GPRASP3: variants seen among roughly 807,000 people sequenced by gnomAD.
GPRASP3 encodes G protein-coupled receptor associated sorting protein 3.
the GPRASP3 span, among the ~76,000 whole-genome samples, chrX:102,724,383 C>T: frequency 1.8e-5 from 2 of 111,722 alleles, no homozygotes; most frequent in African/African-American, 6.5e-5. Context: ...AGGATTCAGA[C>T]CCAACAGTGT....
the GPRASP3 span, chrX:102,752,664 A>G: frequency 2.4e-5 from 3 of 123,767 alleles, no homozygotes; most frequent in Non-Finnish European, 5.6e-5. Context: ...TATAATTGCC[A>G]TACATTAAGC....
chrX:102,741,249 C>T, the GPRASP3 span, among the ~76,000 whole-genome samples: 1 of 112,099 alleles, frequency 8.9e-6, no homozygotes, highest in Non-Finnish European at 1.9e-5. Context: ...CCCAAGTGGG[C>T]GACTTGAAGG....
the GPRASP3 span, among the ~76,000 whole-genome samples, chrX:102,729,486 T>TAGTGGATAAC: frequency 8.9e-6 from 1 of 112,310 alleles, no homozygotes; most frequent in Non-Finnish European, 1.9e-5. Flanking sequence ...ATTATAATAA[T>TAGTGGATAAC]AGTGGATAAC....
chrX:102,729,487 A>G, the GPRASP3 span, among the ~76,000 whole-genome samples: 2 of 112,328 alleles, frequency 1.8e-5, no homozygotes, highest in Non-Finnish European at 3.8e-5. Flanking sequence ...TTATAATAAT[A>G]GTGGATAACA....
the GPRASP3 span, among the ~76,000 whole-genome samples, chrX:102,721,785 T>C: frequency 6.3e-5 from 7 of 111,196 alleles, no homozygotes; most frequent in African/African-American, 2.3e-4. Context: ...CTCCTAAGTT[T>C]CCCTCTGCAT....
At chrX:102,753,517 A>AT in the GPRASP3 span, 1 of 122,819 alleles carries the variant, frequency 8.1e-6, no homozygotes, top group Admixed American at 9.5e-5. Context: ...TCTTCGACCC[A>AT]TGAATAAAAT....
chrX:102,744,372 C>T, the GPRASP3 span, among the ~76,000 whole-genome samples: 5 of 112,091 alleles, frequency 4.5e-5, no homozygotes, highest in East Asian at 5.6e-4. Context: ...CTATGTCCTT[C>T]GTATTTAAGA....
the GPRASP3 span, among the ~76,000 whole-genome samples, chrX:102,738,879 G>A: frequency 9.0e-6 from 1 of 111,626 alleles, no homozygotes; most frequent in South Asian, 3.8e-4. Flanking sequence ...CAAGGTGGTT[G>A]GGGCACAGCT....
chrX:102,728,839 C>T, the GPRASP3 span, among the ~76,000 whole-genome samples: 3 of 111,134 alleles, frequency 2.7e-5, no homozygotes, highest in Non-Finnish European at 5.6e-5. Flanking sequence ...CCTGTACTTA[C>T]AACCAGAAAA....
chrX:102,750,928 A>T, the GPRASP3 span: 3 of 209,955 alleles, frequency 1.4e-5, no homozygotes, highest in Non-Finnish European at 2.8e-5. Flanking sequence ...AAAATGGCAA[A>T]AAAGAAAATA....
chrX:102,750,705 C>G, the GPRASP3 span: 2 of 862,841 alleles, frequency 2.3e-6, no homozygotes, highest in Non-Finnish European at 3.2e-6. Flanking sequence ...TTACAGTGTA[C>G]ACATTATACA....
the GPRASP3 span, among the ~76,000 whole-genome samples, chrX:102,745,556 C>G: frequency 3.6e-5 from 4 of 111,071 alleles, no homozygotes; most frequent in Admixed American, 9.5e-5. Flanking sequence ...CCAGACTGCA[C>G]TGCTGACACC....
At chrX:102,732,573 G>C in the GPRASP3 span, among the ~76,000 whole-genome samples, 2 of 112,117 alleles carry the variant, frequency 1.8e-5, no homozygotes, top group African/African-American at 6.5e-5. Context: ...CAACTGATGA[G>C]ACTAGATTCT....
At chrX:102,743,325 T>C in the GPRASP3 span, among the ~76,000 whole-genome samples, 203 of 111,662 alleles carry the variant, frequency 1.8e-3, no homozygotes, top group African/African-American at 6.4e-3. Flanking sequence ...ACAATAGATA[T>C]ATACTTATAA....
the GPRASP3 span, among the ~76,000 whole-genome samples, chrX:102,729,043 T>C: frequency 5.4e-5 from 6 of 112,100 alleles, no homozygotes; most frequent in African/African-American, 1.6e-4. Context: ...TGCTGGAGAC[T>C]GAGTGTGGAA....
the GPRASP3 span, among the ~76,000 whole-genome samples, chrX:102,728,633 T>C: frequency 1.0e-5 from 1 of 99,961 alleles, no homozygotes; most frequent in Non-Finnish European, 2.0e-5. Flanking sequence ...CCTAGGCTGC[T>C]CTTGAGCTCC....
At chrX:102,749,783 C>A in the GPRASP3 span, 1 of 1,211,727 alleles carries the variant, frequency 8.3e-7, no homozygotes, top group Middle Eastern at 2.3e-4. Flanking sequence ...CCTGTGGCAA[C>A]AGCTTGCCGC....
the GPRASP3 span, among the ~76,000 whole-genome samples, chrX:102,727,787 A>T: frequency 1.8e-5 from 2 of 112,747 alleles, no homozygotes; most frequent in Non-Finnish European, 3.7e-5. Flanking sequence ...TCTGATATAC[A>T]CATGTTGTGC....
At chrX:102,723,138 T>G in the GPRASP3 span, among the ~76,000 whole-genome samples, 2 of 111,754 alleles carry the variant, frequency 1.8e-5, no homozygotes, top group African/African-American at 3.3e-5. Context: ...TTAAAAAATT[T>G]TAAAAATAAC....
Sources: gnomAD v4.1 joint callset for allele counts (sites outside exome capture counted in the v4.1 genomes callset) on GRCh38, gnomAD v4.1.1 for gene constraint, MANE v1.5 for transcripts, NCBI Gene and HGNC (gene_info 2026-07-23, HGNC 2026-07-21) for gene names.